Variants in LCLAT1 observed in about 807,000 individuals in gnomAD.
The protein encoded by LCLAT1 is lysocardiolipin acyltransferase 1, also known as 1-AGP acyltransferase 8.
In LCLAT1, 11 loss-of-function variants were observed where a neutral mutation model predicts 30.7. The observed-to-expected ratio is 0.36, with a 90% CI of 0.23 to 0.59. The LOEUF (loss-of-function observed/expected upper bound fraction) is 0.59, where lower values mean the gene tolerates loss of function less well. Among genes scored for constraint, LCLAT1 ranks in the 20% least tolerant of loss-of-function variants. LCLAT1 has a pLI of 0.77. For missense variants in LCLAT1, 402 were observed against 458.6 expected (o/e 0.88, Z 1.13); for synonymous variants, 155 against 151.3 (o/e 1.02, Z -0.18).
Position 30,640,523 on chromosome 2 carries a change from G to T in LCLAT1, c.1035G>T (p.Leu345=). ...YFIITIVIFV[L]QERIFGGLEI... ...TAATCACCATTGTAATCTTTGTGCT[G>T]CAAGAGAGAATATTTGGTGGACTGG... Residue 345 remains leucine (L), a synonymous_variant, in exon 6 of 6, where the codon CTG becomes CTT. Transcript: ENST00000379509. The T allele has an allele frequency of 1.2e-6, 2 of 1,614,076 alleles. No homozygotes were observed. Among genetic ancestry groups the T allele is most frequent in the Non-Finnish European group, 8.5e-7 (1 of 1,179,992 alleles).
At chr2:30,452,883 A>C (rs1448002766) in intron 1 of LCLAT1, among the ~76,000 whole-genome samples, 4 of 152,068 alleles carry the variant, frequency 2.6e-5, no homozygotes, top group Non-Finnish European at 4.4e-5. Flanking sequence ...TGCTTGTGGC[A>C]GTAGGGCCAT....
rs1684433105 is a variant in LCLAT1, at chr2:30,502,160, C to CT, written c.-4-23420dup. ...CATTTTGATGTACTTCTATCTAGTGCTTTTTTTGTTCAGTGATTTCACTCT... is the reference window on the plus strand; with the variant it reads ...CATTTTGATGTACTTCTATCTAGTGCTTTTTTTTGTTCAGTGATTTCACTCT... On this transcript the variant is annotated intron_variant, in intron 1 of 5. Coordinates refer to ENST00000379509, the MANE Select transcript of LCLAT1 (RefSeq NM_001002257.3). Among the ~76,000 whole-genome samples, 3 of 152,158 alleles carry CT rather than the reference C, an allele frequency of 2.0e-5. No homozygotes were observed. The South Asian group carries it at 6.2e-4, about 32-fold the overall frequency.
rs1669368493 is a variant in LCLAT1 at position 30,642,430 on chromosome 2, C to CT, written c.*1818dup. 1 of 145,130 alleles carries CT rather than the reference C, an allele frequency of 6.9e-6. No homozygotes were observed. Among genetic ancestry groups the CT allele is most frequent in the African/African-American group, 2.6e-5 (1 of 39,194 alleles). The allele number at this position is 145,130 out of a possible 1,614,324, so 9.0% of individuals were successfully genotyped here. On this transcript the variant is annotated 3_prime_UTR_variant, in exon 6 of 6. Coordinates refer to ENST00000379509, the MANE Select transcript of LCLAT1 (RefSeq NM_001002257.3). ...TTTTTTTTTTTTTTTAAAAAAGCAC[C>CT]TTTTTTTGTTGTTTCCCCTTAATAA...
chr2:30,631,776 G>A (rs1018385398), intron 5 of LCLAT1, among the ~76,000 whole-genome samples: 3 of 152,102 alleles, frequency 2.0e-5, no homozygotes, highest in African/African-American at 7.2e-5. Flanking sequence ...GTAAAATATA[G>A]ACATAGTAGA....
At chr2:30,469,299 T>A (rs770405347) in intron 1 of LCLAT1, among the ~76,000 whole-genome samples, 1 of 152,132 alleles carries the variant, frequency 6.6e-6, no homozygotes, top group Non-Finnish European at 1.5e-5. Flanking sequence ...GTGTCACATG[T>A]AACAATCCCT....
chr2:30,575,475 C>G (rs1300332532), intron 5 of LCLAT1, among the ~76,000 whole-genome samples: 1 of 152,168 alleles, frequency 6.6e-6, no homozygotes, highest in Non-Finnish European at 1.5e-5. Context: ...TTCCCACCCC[C>G]TTCAGTCTAG....
intron 5 of LCLAT1, among the ~76,000 whole-genome samples, chr2:30,629,949 T>A (rs1418412146): frequency 6.6e-6 from 1 of 152,052 alleles, no homozygotes; most frequent in African/African-American, 2.4e-5. Flanking sequence ...CTTTTTTTTT[T>A]AAGGTACATG....
intron 1 of LCLAT1, among the ~76,000 whole-genome samples, chr2:30,524,197 G>A (rs946436127): frequency 6.6e-6 from 1 of 152,078 alleles, no homozygotes; most frequent in Non-Finnish European, 1.5e-5. Flanking sequence ...TTTCCAACAA[G>A]CATTTATTTT....
At chr2:30,460,328 A>G (rs1011230050) in intron 1 of LCLAT1, among the ~76,000 whole-genome samples, 3 of 152,130 alleles carry the variant, frequency 2.0e-5, no homozygotes, top group Admixed American at 1.3e-4. Flanking sequence ...TCTCAATCCC[A>G]TATTCAGTTA....
At chr2:30,560,060 C>G (rs1203492989) in intron 3 of LCLAT1, among the ~76,000 whole-genome samples, 1 of 152,168 alleles carries the variant, frequency 6.6e-6, no homozygotes, top group African/African-American at 2.4e-5. Flanking sequence ...CTTACACACA[C>G]TGCTCTGTGG....
At chr2:30,544,522 T>C (rs1377122143) in intron 3 of LCLAT1, among the ~76,000 whole-genome samples, 1 of 152,206 alleles carries the variant, frequency 6.6e-6, no homozygotes, top group Non-Finnish European at 1.5e-5. Context: ...TTTCCAGTTA[T>C]GCTGTTAGTA....
In LCLAT1 at chr2:30,618,393, C is replaced by T. The variant is rs539518812; in HGVS notation, c.629-21724C>T. On this transcript the variant is annotated intron_variant, in intron 5 of 5. Coordinates refer to ENST00000379509, the MANE Select transcript of LCLAT1 (RefSeq NM_001002257.3). ...AATATTGAATTTTCCAGTCTATGAA[C>T]ATAGTATATCTCCCATTTATATGGG... Among the ~76,000 whole-genome samples, 7 of 152,198 alleles carry T rather than the reference C, an allele frequency of 4.6e-5. No individual in the cohort carries two copies. The South Asian group carries it at 1.2e-3, about 27-fold the overall frequency.
intron 3 of LCLAT1, among the ~76,000 whole-genome samples, chr2:30,556,784 T>C (rs1012658657): frequency 4.1e-5 from 6 of 144,776 alleles, no homozygotes; most frequent in Non-Finnish European, 7.5e-5. Context: ...TTGCTCTTGT[T>C]GCCCAGGCTG....
intron 1 of LCLAT1, among the ~76,000 whole-genome samples, chr2:30,493,072 C>G (rs1051832814): frequency 1.3e-5 from 2 of 152,112 alleles, no homozygotes; most frequent in Non-Finnish European, 2.9e-5. Flanking sequence ...ACCTCCCTCC[C>G]AGGGGTGGTG....
At chr2:30,619,184 G>C (rs552094891) in intron 5 of LCLAT1, among the ~76,000 whole-genome samples, 1 of 152,278 alleles carries the variant, frequency 6.6e-6, no homozygotes, top group Non-Finnish European at 1.5e-5. Context: ...CACTGGTTTT[G>C]ATTATACATT....
At chr2:30,635,753 G>T (rs1356410391) in intron 5 of LCLAT1, among the ~76,000 whole-genome samples, 1 of 152,172 alleles carries the variant, frequency 6.6e-6, no homozygotes, top group Non-Finnish European at 1.5e-5. Context: ...AACTTACTAT[G>T]TGCCAAGTAC....
At chr2:30,504,337 G>A (rs1158662628) in intron 1 of LCLAT1, among the ~76,000 whole-genome samples, 3 of 151,768 alleles carry the variant, frequency 2.0e-5, no homozygotes, top group Admixed American at 2.0e-4. Flanking sequence ...TTTTCTGGCT[G>A]TGTCTCATGA....
At position 30,482,755 on chromosome 2, in the gene LCLAT1, C is replaced by T. The variant is rs146226700; in HGVS notation, c.-5+35372C>T. Among the ~76,000 whole-genome samples the T allele has an allele frequency of 3.9e-4, 58 of 150,648 alleles. 1 individual carries two copies. The East Asian group carries it at 7.4e-3, about 19-fold the overall frequency. On this transcript the variant is annotated intron_variant, in intron 1 of 5. Coordinates refer to ENST00000379509, the MANE Select transcript of LCLAT1 (RefSeq NM_001002257.3). ...GTTCGATTAAGAGCAGCCTGGTCAA[C>T]ATTGTGAAACCCTGTCCCTATTAAA...
At chr2:30,501,356 A>T (rs957563644) in intron 1 of LCLAT1, among the ~76,000 whole-genome samples, 3 of 152,180 alleles carry the variant, frequency 2.0e-5, no homozygotes, top group African/African-American at 7.2e-5. Context: ...GTGTTCATTC[A>T]GTTTGCATTA....
Sources: gnomAD v4.1 joint callset for allele counts (sites outside exome capture counted in the v4.1 genomes callset) on GRCh38, gnomAD v4.1.1 for gene constraint, MANE v1.5 for transcripts, NCBI Gene and HGNC (gene_info 2026-07-23, HGNC 2026-07-21) for gene names.